Variants in ADGRB3 observed in about 807,000 individuals in gnomAD.
The protein encoded by ADGRB3 is brain-specific angiogenesis inhibitor 3.
A neutral mutation model predicts 193.4 loss-of-function variants in ADGRB3; 37 were observed. The ratio of observed to expected loss-of-function variants is 0.19; its 90% CI spans 0.15 to 0.25. ADGRB3 has a LOEUF of 0.25. ADGRB3 is among the 10% of genes least tolerant of loss of function. The pLI, the probability that ADGRB3 is intolerant of heterozygous loss-of-function variation, is 1.00. For missense variants in ADGRB3, 1,637 were observed against 1,852.9 expected (o/e 0.88, Z 2.14); for synonymous variants, 690 against 644.2 (o/e 1.07, Z -1.08).
chr6:69,233,093 C>T, intron 17 of ADGRB3, 197 bp from the exon 18 acceptor site: 1 of 745,720 alleles, frequency 1.3e-6, no homozygotes, highest in South Asian at 1.9e-5. Flanking sequence ...CCGCCGCCTG[C>T]TTGCTTTTTC....
At position 68,971,800 on chromosome 6, in the gene ADGRB3, T is replaced by A. The variant is rs936381541; in HGVS notation, c.1526-2963T>A. ...TCCAACATTTACTAACTTTTCTTCT[T>A]TTCCACCGCTTCCCCTTCATTGGCA... On this transcript the variant is annotated intron_variant, in intron 8 of 31. Transcript: ENST00000370598. Among the ~76,000 whole-genome samples, 3 of 152,230 alleles carry A rather than the reference T, an allele frequency of 2.0e-5. No homozygotes were observed. In the East Asian group the frequency reaches 5.8e-4, roughly 29 times the overall value.
intron 23 of ADGRB3, chr6:69,332,455 T>A: frequency 1.3e-5 from 13 of 985,412 alleles, no homozygotes; most frequent in South Asian, 4.7e-5. Context: ...ATGAGGAATT[T>A]AAGCATTCTG....
At chr6:69,385,683 C>T (rs376577618) in intron 31 of ADGRB3, among the ~76,000 whole-genome samples, 7 of 152,070 alleles carry the variant, frequency 4.6e-5, no homozygotes, top group Non-Finnish European at 1.0e-4. Flanking sequence ...AGCATAAATT[C>T]GGAGACTTAC....
intron 11 of ADGRB3, among the ~76,000 whole-genome samples, chr6:69,012,727 G>A (rs887838929): frequency 1.2e-4 from 18 of 151,962 alleles, no homozygotes; most frequent in Non-Finnish European, 2.6e-4. Context: ...CACAAATAGG[G>A]CAATTAAATA....
chr6:69,198,487 T>A (rs892116552), intron 17 of ADGRB3, among the ~76,000 whole-genome samples: 2 of 151,864 alleles, frequency 1.3e-5, no homozygotes, highest in Non-Finnish European at 2.9e-5. Flanking sequence ...TTGGATAAGG[T>A]GATGGGGAAG....
intron 17 of ADGRB3, among the ~76,000 whole-genome samples, chr6:69,138,105 G>GT (rs1485360241): frequency 2.6e-5 from 4 of 152,172 alleles, no homozygotes; most frequent in African/African-American, 9.7e-5. Flanking sequence ...ACATTCTGTT[G>GT]TTAAAACTGT....
intron 17 of ADGRB3, among the ~76,000 whole-genome samples, chr6:69,162,190 C>G (rs541979391): frequency 2.0e-5 from 3 of 152,154 alleles, no homozygotes; most frequent in African/African-American, 7.2e-5. Context: ...TACTGAAAAT[C>G]AAGGTGAGAC....
chr6:69,156,081 CAATT>C (rs528607670), intron 17 of ADGRB3, among the ~76,000 whole-genome samples: 8 of 152,012 alleles, frequency 5.3e-5, no homozygotes, highest in Non-Finnish European at 1.2e-4. Context: ...AACCTAGTCT[CAATT>C]AATTAAGCCC....
Position 68,872,107 on chromosome 6 carries a change from C to A in ADGRB3, c.758-58452C>A, listed in dbSNP as rs548113631. Reference sequence around the variant, plus strand: ...AAAGTGTGTAAACAGACATGTAAGACTTTGAGATTTGGAGAGCAGTTGGAA... The same window carrying A: ...AAAGTGTGTAAACAGACATGTAAGAATTTGAGATTTGGAGAGCAGTTGGAA... On this transcript the variant is annotated intron_variant, in intron 3 of 31. Transcript: ENST00000370598. Among the ~76,000 whole-genome samples, 3 of 152,152 alleles carry A rather than the reference C, an allele frequency of 2.0e-5. No individual in the cohort carries two copies. In the South Asian group the frequency reaches 6.2e-4, roughly 32 times the overall value.
At chr6:69,337,345 G>A (rs1045083352) in intron 24 of ADGRB3, among the ~76,000 whole-genome samples, 3 of 151,968 alleles carry the variant, frequency 2.0e-5, no homozygotes, top group African/African-American at 7.3e-5. Flanking sequence ...TTAAAGAAAT[G>A]CAAATGTTTA....
At chr6:68,760,480 G>T (rs1428012708) in intron 3 of ADGRB3, among the ~76,000 whole-genome samples, 4 of 152,192 alleles carry the variant, frequency 2.6e-5, no homozygotes, top group East Asian at 1.9e-4. Flanking sequence ...TCAAAGGATT[G>T]CTCTGACCAG....
intron 17 of ADGRB3, among the ~76,000 whole-genome samples, chr6:69,145,974 T>C (rs6929969): frequency 0.64 from 97,165 of 151,988 alleles, 32,291 homozygotes; most frequent in East Asian, 0.95. Flanking sequence ...GGAAAAGCAC[T>C]ATAAGTTCCC....
Position 68,879,211 on chromosome 6 carries a change from C to T in ADGRB3, c.758-51348C>T, listed in dbSNP as rs1157181163. ...TTCTCTTTTCTGCTTTACTTTTTGT[C>T]GCTTTTTTTTTTTTTTTTTTTTTTT... On this transcript the variant is annotated intron_variant, in intron 3 of 31. Coordinates refer to ENST00000370598, the MANE Select transcript of ADGRB3 (RefSeq NM_001704.3). Among the ~76,000 whole-genome samples, 219 of 133,780 alleles carry T rather than the reference C, an allele frequency of 1.6e-3. 1 individual carries two copies. The highest frequency in any genetic ancestry group is 5.0e-3 in the Admixed American group (65 of 12,878). The allele number at this position is 133,780 out of a possible 152,430, so 87.8% of individuals were successfully genotyped here. A position where few individuals can be genotyped will look rare whatever the true frequency, so the allele number is the denominator to read the frequency against.
intron 3 of ADGRB3, among the ~76,000 whole-genome samples, chr6:68,785,992 T>C (rs1766959824): frequency 6.6e-6 from 1 of 152,144 alleles, no homozygotes; most frequent in Non-Finnish European, 1.5e-5. Context: ...TTGCCCACTT[T>C]TTGATGGGGT....
intron 17 of ADGRB3, among the ~76,000 whole-genome samples, chr6:69,112,596 T>C (rs2150326124): frequency 6.6e-6 from 1 of 152,318 alleles, no homozygotes; most frequent in African/African-American, 2.4e-5. Context: ...TGTGTATATA[T>C]AGCAGGCCTT....
At chr6:68,650,235 A>T (rs949336882) in intron 3 of ADGRB3, among the ~76,000 whole-genome samples, 32 of 152,224 alleles carry the variant, frequency 2.1e-4, no homozygotes, top group Non-Finnish European at 8.8e-5. Context: ...CAGAGAAATA[A>T]ATAACAATGA....
chr6:68,959,964 A>T (rs1768186710), intron 8 of ADGRB3, among the ~76,000 whole-genome samples: 1 of 152,100 alleles, frequency 6.6e-6, no homozygotes, highest in East Asian at 1.9e-4. Context: ...CTACAATGTC[A>T]TACATAATAT....
chr6:69,085,708 G>A (rs1435948275), intron 17 of ADGRB3, among the ~76,000 whole-genome samples: 1 of 151,612 alleles, frequency 6.6e-6, no homozygotes, highest in Non-Finnish European at 1.5e-5. Flanking sequence ...CATTTTGCAG[G>A]TTTGGTGTTC....
chr6:69,071,093 G>A (rs557153657), intron 16 of ADGRB3, among the ~76,000 whole-genome samples: 102 of 152,254 alleles, frequency 6.7e-4, no homozygotes, highest in African/African-American at 1.9e-3. Context: ...TGCCTTGAAT[G>A]GTTCTTGGAA....
Sources: allele counts gnomAD v4.1 joint callset (sites outside exome capture counted in the v4.1 genomes callset), GRCh38; gene constraint gnomAD v4.1.1; transcripts MANE v1.5; gene names NCBI Gene and HGNC (gene_info 2026-07-23, HGNC 2026-07-21).